Variants in PARD3 observed in about 807,000 individuals in gnomAD.
PARD3 encodes the protein partitioning defective 3 homolog.
PARD3 carries 75 observed loss-of-function variants against 155.4 expected under a neutral mutation model. The ratio of observed to expected loss-of-function variants is 0.48; its 90% CI spans 0.40 to 0.58. PARD3 has a LOEUF of 0.58. PARD3 is among the 20% of genes least tolerant of loss of function. The pLI is 0.00. For synonymous variants in PARD3, 576 were observed against 610.5 expected (o/e 0.94, Z 0.83); for missense variants, 1,642 against 1,721.7 (o/e 0.95, Z 0.82).
intron 2 of PARD3, among the ~76,000 whole-genome samples, chr10:34,557,533 C>G (rs1171380827): frequency 6.6e-6 from 1 of 152,076 alleles, no homozygotes; most frequent in Non-Finnish European, 1.5e-5. Flanking sequence ...GGCCAGAGTG[C>G]AATGGTGCAA....
At chr10:34,737,612 T>C (rs1258150144) in intron 1 of PARD3, among the ~76,000 whole-genome samples, 1 of 152,140 alleles carries the variant, frequency 6.6e-6, no homozygotes, top group African/African-American at 2.4e-5. Flanking sequence ...GAGGTGCCTT[T>C]AGAAGGAGAT....
intron 22 of PARD3, among the ~76,000 whole-genome samples, chr10:34,233,108 T>C (rs1953026766): frequency 6.8e-6 from 1 of 147,874 alleles, no homozygotes; most frequent in Non-Finnish European, 1.5e-5. Context: ...ACTCTCTGTG[T>C]CAGAATGGAG....
At chr10:34,386,220 G>A (rs189809434) in intron 7 of PARD3, among the ~76,000 whole-genome samples, 9 of 152,182 alleles carry the variant, frequency 5.9e-5, no homozygotes, top group Middle Eastern at 3.4e-3. Flanking sequence ...ACTAGTGTAT[G>A]AGTCTAAAAA....
At chr10:34,526,943 T>C (rs1308424189) in intron 2 of PARD3, among the ~76,000 whole-genome samples, 2 of 152,198 alleles carry the variant, frequency 1.3e-5, no homozygotes, top group African/African-American at 4.8e-5. Flanking sequence ...GTTGAACTTG[T>C]AAAAAATGAC....
At chr10:34,387,578 C>G (rs1321199926) in intron 7 of PARD3, among the ~76,000 whole-genome samples, 66 of 152,152 alleles carry the variant, frequency 4.3e-4, no homozygotes. Context: ...CGACCCCTGG[C>G]TAGTTTGTTT....
rs775623209 is a variant in PARD3, at chr10:34,382,629, G to A, written c.1310C>T (p.Ser437Leu). The change falls in exon 9 of 25, where the codon TCG becomes TTG. Residue 437 changes from serine to leucine, a missense_variant. By Grantham distance (145) the Ser-to-Leu change is moderately radical (BLOSUM62 -2). Around this residue, in one of 3 missense-constraint regions of PARD3, gnomAD observed 1,529 missense variants for 1,587.3 expected, o/e 0.96. Coordinates refer to ENST00000374788, the MANE Select transcript of PARD3 (RefSeq NM_001184785.2). ...PSGKPPSAPA[S>L]APQNVFSTTV... ...CGTACTAAATACATTCTGAGGTGCC[G>A]AGGCTGGAGCGGATGGTGGTTTTCC... 13 of 1,613,884 alleles carry A rather than the reference G, an allele frequency of 8.1e-6. No homozygotes were observed. Among genetic ancestry groups the A allele is most frequent in the African/African-American group, 4.0e-5 (3 of 74,872 alleles).
At chr10:34,303,181 T>G (rs1957237485) in intron 20 of PARD3, among the ~76,000 whole-genome samples, 2 of 136,036 alleles carry the variant, frequency 1.5e-5, no homozygotes, top group African/African-American at 2.8e-5. Context: ...TTTTTTTTTT[T>G]TGTGCAAGGC....
chr10:34,308,236 C>T (rs1400928070), intron 20 of PARD3, among the ~76,000 whole-genome samples: 1 of 152,070 alleles, frequency 6.6e-6, no homozygotes, highest in Non-Finnish European at 1.5e-5. Context: ...CCGAAGGCTA[C>T]TGGGGGTTGA....
chr10:34,210,784 A>G (rs1951708362), intron 22 of PARD3, among the ~76,000 whole-genome samples: 1 of 152,138 alleles, frequency 6.6e-6, no homozygotes, highest in East Asian at 1.9e-4. Context: ...TTTCTAGGAA[A>G]ACTAGAATTC....
rs1435535183 is a variant in PARD3 at position 34,720,536 on chromosome 10, G to A, written c.121-24117C>T. 2.0e-5 allele frequency among the ~76,000 whole-genome samples: 3 copies of A among 150,902 alleles called. No individual in the cohort carries two copies. The East Asian group carries it at 5.9e-4, about 29-fold the overall frequency. ...ATTCTAGCCAGGTGCATTGGCTCAGGCCTATAATCTCAGCACTTTGGGAGG... is the reference window on the plus strand; with the variant it reads ...ATTCTAGCCAGGTGCATTGGCTCAGACCTATAATCTCAGCACTTTGGGAGG... On this transcript the variant is annotated intron_variant, in intron 1 of 24. Coordinates refer to ENST00000374788, the MANE Select transcript of PARD3 (RefSeq NM_001184785.2).
chr10:34,164,211 T>G (rs1436931217), intron 22 of PARD3, among the ~76,000 whole-genome samples: 1 of 152,184 alleles, frequency 6.6e-6, no homozygotes, highest in African/African-American at 2.4e-5. Context: ...CTGCTTCTGT[T>G]TTTGTAACAA....
chr10:34,573,010 G>C (rs1358490060), intron 2 of PARD3, among the ~76,000 whole-genome samples: 1 of 152,130 alleles, frequency 6.6e-6, no homozygotes, highest in Admixed American at 6.5e-5. Context: ...TGCATACACA[G>C]ATACTCCAAA....
At chr10:34,641,326 C>CT (rs770200507) in intron 2 of PARD3, among the ~76,000 whole-genome samples, 26 of 152,364 alleles carry the variant, frequency 1.7e-4, no homozygotes, top group South Asian at 4.1e-4. Context: ...CTCCCGGCAC[C>CT]TGCCCGCACC....
At chr10:34,170,247 C>G (rs1949723297) in intron 22 of PARD3, among the ~76,000 whole-genome samples, 1 of 152,056 alleles carries the variant, frequency 6.6e-6, no homozygotes, top group African/African-American at 2.4e-5. Flanking sequence ...ACCACCACGC[C>G]CAGCTAATTT....
At chr10:34,430,059 G>C (rs190782350) in intron 5 of PARD3, among the ~76,000 whole-genome samples, 54 of 152,324 alleles carry the variant, frequency 3.5e-4, no homozygotes, top group South Asian at 2.1e-4. Context: ...ACAAAAAGCA[G>C]CTTAGCCATA....
At chr10:34,683,474 C>T (rs375086032) in intron 2 of PARD3, among the ~76,000 whole-genome samples, 2 of 150,576 alleles carry the variant, frequency 1.3e-5, no homozygotes, top group African/African-American at 4.9e-5. Flanking sequence ...TAAGAGAAGT[C>T]AAGTAAAGAC....
chr10:34,708,511 G>A (rs535619804), intron 1 of PARD3, among the ~76,000 whole-genome samples: 3 of 152,130 alleles, frequency 2.0e-5, no homozygotes, highest in African/African-American at 7.2e-5. Flanking sequence ...GGTGAGAAGT[G>A]TTATAATATC....
chr10:34,391,672 A>G lies in PARD3; in HGVS notation c.891-7418T>C, dbSNP rs922168709. Among the ~76,000 whole-genome samples the G allele has an allele frequency of 5.3e-5, 8 of 152,350 alleles. No individual in the cohort carries two copies. The East Asian group carries it at 1.3e-3, about 26-fold the overall frequency. ...CATGAATGCAGGATGTAAAAAACAAACTTTTATATTTCAGTGATTTTCTGA... is the reference window on the plus strand; with the variant it reads ...CATGAATGCAGGATGTAAAAAACAAGCTTTTATATTTCAGTGATTTTCTGA... On this transcript the variant is annotated intron_variant, in intron 7 of 24. Coordinates refer to ENST00000374788, the MANE Select transcript of PARD3 (RefSeq NM_001184785.2).
chr10:34,484,801 C>A (rs756681591), intron 3 of PARD3, among the ~76,000 whole-genome samples: 5 of 152,174 alleles, frequency 3.3e-5, no homozygotes, highest in Non-Finnish European at 5.9e-5. Flanking sequence ...AAAATAACTG[C>A]TAAATTTTAC....
Sources: allele counts gnomAD v4.1 joint callset (sites outside exome capture counted in the v4.1 genomes callset), GRCh38; gene constraint gnomAD v4.1.1; regional missense constraint gnomAD v4.1.1; transcripts MANE v1.5; gene names NCBI Gene and HGNC (gene_info 2026-07-23, HGNC 2026-07-21).